The following GALNT17 variants were observed in gnomAD, a reference collection of about 807,000 sequenced individuals.
GALNT17 encodes polypeptide N-acetylgalactosaminyltransferase 17.
GALNT17 carries 29 observed loss-of-function variants against 63.7 expected under a neutral mutation model. That is an observed-to-expected ratio of 0.46 (90% CI 0.34 to 0.62). The LOEUF is 0.62. Among genes scored for constraint, GALNT17 ranks in the 20% least tolerant of loss-of-function variants. GALNT17 has a pLI of 0.01. For missense variants in GALNT17, 603 were observed against 799.6 expected, an observed-to-expected ratio of 0.75 and a Z score of 2.97; for synonymous variants, 305 against 318.3, an observed-to-expected ratio of 0.96 and a Z score of 0.45.
chr7:71,402,364 A>G (rs1793256054), intron 3 of GALNT17, among the ~76,000 whole-genome samples: 1 of 152,242 alleles, frequency 6.6e-6, no homozygotes, highest in African/African-American at 2.4e-5. Context: ...GCTCTGTGCC[A>G]TAATCCCAGG....
At chr7:71,688,208 C>T (rs953738203) in intron 9 of GALNT17, among the ~76,000 whole-genome samples, 4 of 152,114 alleles carry the variant, frequency 2.6e-5, no homozygotes, top group Admixed American at 2.0e-4. Flanking sequence ...CTTATAAATT[C>T]GTCTTACCTC....
intron 5 of GALNT17, among the ~76,000 whole-genome samples, chr7:71,433,023 C>G (rs779754301): frequency 2.0e-4 from 30 of 152,166 alleles, no homozygotes; most frequent in Admixed American, 9.8e-4. Context: ...GTTGGCCAGG[C>G]TGGTCTCCAC....
chr7:71,494,366 C>G (rs936402252), intron 5 of GALNT17, among the ~76,000 whole-genome samples: 1 of 151,970 alleles, frequency 6.6e-6, no homozygotes, highest in Non-Finnish European at 1.5e-5. Flanking sequence ...CAAGTCATAT[C>G]ACAGGGTCTT....
chr7:71,267,623 G>T (rs1291375180), intron 1 of GALNT17, among the ~76,000 whole-genome samples: 1 of 152,142 alleles, frequency 6.6e-6, no homozygotes, highest in Non-Finnish European at 1.5e-5. Flanking sequence ...TTTGTCTCCT[G>T]TGTGTACTGG....
At chr7:71,217,318 A>G (rs1585888711) in intron 1 of GALNT17, among the ~76,000 whole-genome samples, 1 of 150,726 alleles carries the variant, frequency 6.6e-6, no homozygotes, top group African/African-American at 2.4e-5. Context: ...TTTGGCTTCA[A>G]TTTTCATTTG....
At chr7:71,356,346 TTGTC>T (rs1485148355) in intron 2 of GALNT17, among the ~76,000 whole-genome samples, 5 of 152,102 alleles carry the variant, frequency 3.3e-5, no homozygotes, top group African/African-American at 4.8e-5. Context: ...TACGGTGCCT[TTGTC>T]TGTGTTGCTG....
chr7:71,175,932 A>G (rs7793651), intron 1 of GALNT17, among the ~76,000 whole-genome samples: 30,761 of 151,966 alleles, frequency 0.2, 6,281 homozygotes, highest in African/African-American at 0.53. Context: ...TTTTCTTACA[A>G]ATCTTCAATT....
chr7:71,418,088 A>C (rs2116442912), intron 4 of GALNT17, among the ~76,000 whole-genome samples: 1 of 152,306 alleles, frequency 6.6e-6, no homozygotes, highest in South Asian at 2.1e-4. Flanking sequence ...CAGGACTTTC[A>C]GTGGTAAGGC....
At chr7:71,363,229 A>T (rs971369848) in intron 2 of GALNT17, among the ~76,000 whole-genome samples, 2 of 152,132 alleles carry the variant, frequency 1.3e-5, no homozygotes, top group African/African-American at 4.8e-5. Flanking sequence ...GGCCTCCCAA[A>T]GTGCTGGGAT....
intron 1 of GALNT17, among the ~76,000 whole-genome samples, chr7:71,251,051 G>T (rs1237813950): frequency 3.9e-5 from 6 of 151,980 alleles, no homozygotes; most frequent in Non-Finnish European, 1.5e-5. Flanking sequence ...TAAGTTCTAG[G>T]GTACATGTGC....
intron 9 of GALNT17, among the ~76,000 whole-genome samples, chr7:71,678,940 G>A (rs1415253083): frequency 7.2e-6 from 1 of 138,040 alleles, no homozygotes; most frequent in Non-Finnish European, 1.5e-5. Context: ...CTGGGCGACA[G>A]AGCGAGACTC....
At position 71,711,886 on chromosome 7, in the gene GALNT17, C is replaced by T. The variant is rs1791798887; in HGVS notation, c.1669-132C>T. Reference sequence around the variant, plus strand: ...TCTTTGCCTCTTTCTCTGTCTCTCTCTTTCTCTTCTCTTTTTCTTTTTCTC... The same window carrying T: ...TCTTTGCCTCTTTCTCTGTCTCTCTTTTTCTCTTCTCTTTTTCTTTTTCTC... On this transcript the variant is annotated intron_variant, in intron 10 of 10. Transcript: ENST00000333538. 3.0e-6 allele frequency: 3 copies of T among 1,006,426 alleles called. No individual in the cohort carries two copies. The Admixed American group carries it at 8.0e-5, about 27-fold the overall frequency. The allele number at this position is 1,006,426 out of a possible 1,614,324, so 62.3% of individuals were successfully genotyped here.
At chr7:71,338,336 A>T (rs1273562621) in intron 2 of GALNT17, among the ~76,000 whole-genome samples, 1 of 145,956 alleles carries the variant, frequency 6.9e-6, no homozygotes, top group Non-Finnish European at 1.5e-5. Context: ...CAAAAAAAAA[A>T]TAAATAAATA....
chr7:71,615,633 C>T (rs10270941), intron 6 of GALNT17, among the ~76,000 whole-genome samples: 11,733 of 151,954 alleles, frequency 0.077, 543 homozygotes, highest in African/African-American at 0.13. Flanking sequence ...CATGCCAACA[C>T]GCCCTGCTAA....
At chr7:71,133,530 T>C (rs1316238166) in intron 1 of GALNT17, among the ~76,000 whole-genome samples, 1 of 152,124 alleles carries the variant, frequency 6.6e-6, no homozygotes. Context: ...AGGTAGTATA[T>C]GGGAGGAATA....
chr7:71,644,527 C>CAAAAAAAAAAA (rs58497593), intron 6 of GALNT17, among the ~76,000 whole-genome samples: 1 of 23,650 alleles, frequency 4.2e-5, no homozygotes, highest in Non-Finnish European at 7.0e-5. Context: ...GACTCCATCT[C>CAAAAAAAAAAA]AAAAAAAAAA....
chr7:71,180,803 G>T (rs781307237), intron 1 of GALNT17, among the ~76,000 whole-genome samples: 3 of 152,208 alleles, frequency 2.0e-5, no homozygotes, highest in Non-Finnish European at 4.4e-5. Flanking sequence ...ATGGCATTTG[G>T]ATGGTGTGCA....
intron 5 of GALNT17, among the ~76,000 whole-genome samples, chr7:71,431,800 A>G (rs1258655692): frequency 1.3e-5 from 2 of 152,160 alleles, no homozygotes; most frequent in African/African-American, 4.8e-5. Flanking sequence ...GTCATGTTTC[A>G]TGATTCACCA....
intron 3 of GALNT17, among the ~76,000 whole-genome samples, chr7:71,415,554 C>T (rs1037286301): frequency 2.0e-5 from 3 of 152,062 alleles, no homozygotes; most frequent in African/African-American, 4.8e-5. Context: ...ATAAACCGGA[C>T]AAGGATTCTG....
Sources: gnomAD v4.1 joint callset for allele counts (sites outside exome capture counted in the v4.1 genomes callset) on GRCh38, gnomAD v4.1.1 for gene constraint, MANE v1.5 for transcripts, NCBI Gene and HGNC (gene_info 2026-07-23, HGNC 2026-07-21) for gene names.